MAP4K1: variants seen among roughly 807,000 people sequenced by gnomAD.
MAP4K1 encodes MAPK/ERK kinase kinase kinase 1.
MAP4K1 carries 35 observed loss-of-function variants against 122.8 expected under a neutral mutation model. The observed-to-expected ratio is 0.29, with a 90% CI of 0.22 to 0.38. The LOEUF is 0.38. Ranked by LOEUF, MAP4K1 falls within the 10% of genes least tolerant of loss-of-function variation. The probability of loss-of-function intolerance (pLI) is 1.00; values close to 1 mark genes in which losing one functional copy is unlikely to be tolerated. For missense variants in MAP4K1, 791 were observed against 1,072.6 expected, an observed-to-expected ratio of 0.74 and a Z score of 3.67; for synonymous variants, 412 against 421.3, an observed-to-expected ratio of 0.98 and a Z score of 0.27.
intron 26 of MAP4K1, 80 bp downstream of exon 26, chr19:38,596,232 G>C (rs1974873189): frequency 6.8e-7 from 1 of 1,467,846 alleles, no homozygotes; most frequent in South Asian, 1.4e-5. Context: ...TAGTGCCTCA[G>C]GCTAAGCGAA....
At chr19:38,596,171 T>A in intron 26 of MAP4K1, 141 bp downstream of exon 26, 1 of 1,310,860 alleles carries the variant, frequency 7.6e-7, no homozygotes, top group African/African-American at 1.5e-5. Flanking sequence ...CCCAGTTAAC[T>A]AAAACCTGCC....
intron 19 of MAP4K1, among the ~76,000 whole-genome samples, chr19:38,603,203 CACAT>C (rs552420971): frequency 0.015 from 2,176 of 147,964 alleles, 39 homozygotes; most frequent in Non-Finnish European, 0.023. Flanking sequence ...TACATATATA[CACAT>C]ACATATATAC....
At chr19:38,614,108 G>A (rs1568642551) in intron 6 of MAP4K1, 23 bp from the exon 7 acceptor site, 2 of 1,613,392 alleles carry the variant, frequency 1.2e-6, no homozygotes, top group Admixed American at 1.7e-5. Flanking sequence ...GGGGATATGG[G>A]AGGCTGCAGA....
chr19:38,611,520 C>T (rs545941808), intron 9 of MAP4K1, among the ~76,000 whole-genome samples: 5 of 152,246 alleles, frequency 3.3e-5, no homozygotes, highest in Admixed American at 6.5e-5. Flanking sequence ...TGGTGGTTCA[C>T]GCCCGTAATC....
intron 4 of MAP4K1, 133 bp from the exon 5 acceptor site, chr19:38,614,578 G>C (rs1975593323): frequency 1.1e-6 from 1 of 896,768 alleles, no homozygotes; most frequent in Admixed American, 2.0e-5. Flanking sequence ...CAGTGGGAGG[G>C]GGAGATGGTG....
rs560428800 is a variant in MAP4K1, at chr19:38,587,888, A to G, written c.2397-71T>C. The G allele has an allele frequency of 4.3e-5, 52 of 1,207,148 alleles. 1 individual carries two copies. The South Asian group carries it at 5.7e-4, about 13-fold the overall frequency. The allele number at this position is 1,207,148 out of a possible 1,614,324, so 74.8% of individuals were successfully genotyped here. A position where few individuals can be genotyped will look rare whatever the true frequency, so the allele number is the denominator to read the frequency against. ...TCATTGATTCATTAATTCACAAAGT[A>G]GTTAATAGAGACTGTGCCAGCCCCA... is the stretch of plus-strand genomic sequence containing the variant. On this transcript the variant is annotated intron_variant, in intron 30 of 30. Coordinates refer to ENST00000396857, the MANE Select transcript of MAP4K1 (RefSeq NM_001042600.3).
intron 20 of MAP4K1, 31 bp downstream of exon 20, chr19:38,601,410 C>T (rs777144454): frequency 6.3e-7 from 1 of 1,577,226 alleles, no homozygotes; most frequent in Non-Finnish European, 8.6e-7. Context: ...CCATTCCCTA[C>T]AGGATCTCCT....
At chr19:38,591,831 C>T (rs954471775) in intron 30 of MAP4K1, among the ~76,000 whole-genome samples, 2 of 151,924 alleles carry the variant, frequency 1.3e-5, no homozygotes, top group South Asian at 2.1e-4. Context: ...ATTAGCCGGG[C>T]ACAGTGGCAC....
At chr19:38,598,874 G>C (rs1974969037) in intron 22 of MAP4K1, among the ~76,000 whole-genome samples, 1 of 149,736 alleles carries the variant, frequency 6.7e-6, no homozygotes, top group Non-Finnish European at 1.5e-5. Flanking sequence ...TTAGCCGCGT[G>C]TGGTGGCAGG....
At chr19:38,589,707 G>A (rs1156642610) in intron 30 of MAP4K1, among the ~76,000 whole-genome samples, 1 of 152,038 alleles carries the variant, frequency 6.6e-6, no homozygotes, top group African/African-American at 2.4e-5. Flanking sequence ...GAGCCACCGC[G>A]CCCGACCGGT....
rs541491772 is a variant in MAP4K1 at position 38,589,715 on chromosome 19, G to A, written c.2397-1898C>T. 4.6e-5 allele frequency among the ~76,000 whole-genome samples: 7 copies of A among 152,106 alleles called. No individual in the cohort carries two copies. The East Asian group carries it at 5.8e-4, about 13-fold the overall frequency. Reference sequence around the variant, plus strand: ...CAGGCGTGAGCCACCGCGCCCGACCGGTGGGATACTTCTTATTACAAAGAA... The same window carrying A: ...CAGGCGTGAGCCACCGCGCCCGACCAGTGGGATACTTCTTATTACAAAGAA... On this transcript the variant is annotated intron_variant, in intron 30 of 30. Coordinates refer to ENST00000396857, the MANE Select transcript of MAP4K1 (RefSeq NM_001042600.3).
At chr19:38,603,339 C>T (rs1975214022) in intron 19 of MAP4K1, among the ~76,000 whole-genome samples, 1 of 149,996 alleles carries the variant, frequency 6.7e-6, no homozygotes, top group Admixed American at 6.7e-5. Context: ...TACGCATATA[C>T]ATATATACAC....
At chr19:38,592,810 G>A (rs2145931735) in intron 30 of MAP4K1, among the ~76,000 whole-genome samples, 1 of 151,838 alleles carries the variant, frequency 6.6e-6, no homozygotes, top group Middle Eastern at 3.4e-3. Flanking sequence ...CCAGCTACTT[G>A]GGAGGCTGAG....
At chr19:38,612,990 G>A (rs1975543219) in intron 8 of MAP4K1, among the ~76,000 whole-genome samples, 1 of 151,962 alleles carries the variant, frequency 6.6e-6, no homozygotes, top group Non-Finnish European at 1.5e-5. Flanking sequence ...CCAGGAGTTT[G>A]AGACCAGCCT....
chr19:38,594,106 G>T (rs1974802717), intron 29 of MAP4K1, among the ~76,000 whole-genome samples: 1 of 152,080 alleles, frequency 6.6e-6, no homozygotes, highest in Non-Finnish European at 1.5e-5. Flanking sequence ...CCATTTTACA[G>T]TTGGGGAACA....
In MAP4K1 at chr19:38,608,022, C is replaced by G. The variant is rs765130224; in HGVS notation, c.1077G>C (p.Gln359His). 7 of 1,605,496 alleles carry G rather than the reference C, an allele frequency of 4.4e-6. No individual in the cohort carries two copies. The highest frequency in any genetic ancestry group is 5.1e-6 in the Non-Finnish European group (6 of 1,174,938). Residue 359 changes from glutamine (Q) to histidine (H), a missense_variant, in exon 15 of 31, where the codon CAG (glutamine) becomes CAC (histidine). Physicochemically the swap from Gln to His is conservative, Grantham distance 24. Coordinates refer to ENST00000396857, the MANE Select transcript of MAP4K1 (RefSeq NM_001042600.3). ...TRPPANTARL[Q>H]PPRDLRSSSP... ...TGCTGCTCCTGAGGTCTCGAGGAGG[C>G]TGTAGGCGAGCCTGTGGGGTAGGAA...
chr19:38,601,537 G>A lies in MAP4K1; in HGVS notation c.1447-12C>T, dbSNP rs749548916. 17 of 1,593,606 alleles carry A rather than the reference G, an allele frequency of 1.1e-5. No homozygotes were observed. The highest frequency in any genetic ancestry group is 6.8e-5 in the East Asian group (3 of 44,276). On this transcript the variant is annotated splice_polypyrimidine_tract_variant and intron_variant, in intron 19 of 30. Coordinates refer to ENST00000396857, the MANE Select transcript of MAP4K1 (RefSeq NM_001042600.3). ...AGAAGGGCACATCCCTGGGCAGGTC[G>A]CCGCGGGGCCAGGCAGCAGATCCGG...
At chr19:38,595,906 G>C (rs375343233) in intron 27 of MAP4K1, 33 bp downstream of exon 27, 48 of 1,608,750 alleles carry the variant, frequency 3.0e-5, no homozygotes, top group Non-Finnish European at 3.8e-5. Flanking sequence ...AGCTGGAGGG[G>C]TGGGGAGGAA....
At position 38,587,823 on chromosome 19, in the gene MAP4K1, G is replaced by A. The variant is rs1172172836; in HGVS notation, c.2397-6C>T. 6 of 1,609,912 alleles carry A rather than the reference G, an allele frequency of 3.7e-6. No homozygotes were observed. In the South Asian group the frequency reaches 4.4e-5, roughly 12 times the overall value. On this transcript the variant is annotated splice_region_variant and splice_polypyrimidine_tract_variant and intron_variant, in intron 30 of 30. Coordinates refer to ENST00000396857, the MANE Select transcript of MAP4K1 (RefSeq NM_001042600.3). ...GTGTCTCCACCACTACAGGCCTGTG[G>A]AAGGAAGAGATAAGTCAGTTCATTT... is the stretch of plus-strand genomic sequence containing the variant.
Sources: gnomAD v4.1 joint callset for allele counts (sites outside exome capture counted in the v4.1 genomes callset) on GRCh38, gnomAD v4.1.1 for gene constraint, MANE v1.5 for transcripts, NCBI Gene and HGNC (gene_info 2026-07-23, HGNC 2026-07-21) for gene names.